DST: variants seen among roughly 807,000 people sequenced by gnomAD.
DST encodes the protein dystonin.
Under a neutral mutation model 875.2 loss-of-function variants are expected in DST, and 253 were observed. The ratio of observed to expected loss-of-function variants is 0.29; its 90% CI spans 0.26 to 0.32. The LOEUF is 0.32. Among genes scored for constraint, DST ranks in the 10% least tolerant of loss-of-function variants. The probability of loss-of-function intolerance (pLI) is 1.00; values close to 1 mark genes in which losing one functional copy is unlikely to be tolerated. For missense variants in DST, 8,287 were observed against 9,111.6 expected (o/e 0.91, Z 3.68); for synonymous variants, 3,124 against 3,197.1 (o/e 0.98, Z 0.77).
chr6:56,725,429 A>C (rs912912231), intron 5 of DST, among the ~76,000 whole-genome samples: 5 of 152,164 alleles, frequency 3.3e-5, no homozygotes, highest in African/African-American at 1.2e-4. Context: ...TGAGGTTCCC[A>C]TCAGTCTTTC....
chr6:56,672,530 T>C (rs1277337848), intron 9 of DST, among the ~76,000 whole-genome samples: 3 of 152,084 alleles, frequency 2.0e-5, no homozygotes, highest in African/African-American at 7.2e-5. Flanking sequence ...AATTTACCAA[T>C]ATTCTTTGGC....
intron 4 of DST, among the ~76,000 whole-genome samples, chr6:56,841,324 C>T (rs2099799707): frequency 6.6e-6 from 1 of 152,122 alleles, no homozygotes; most frequent in Admixed American, 6.5e-5. Context: ...GCTATAAAGC[C>T]CAAGTACAAA....
At chr6:56,748,411 C>A (rs2099578490) in intron 4 of DST, among the ~76,000 whole-genome samples, 1 of 152,180 alleles carries the variant, frequency 6.6e-6, no homozygotes, top group East Asian at 1.9e-4. Context: ...GATTTAACTT[C>A]TGTGCAACTC....
chr6:56,703,809 G>T, intron 6 of DST, 63 bp from the exon 7 acceptor site: 2 of 503,294 alleles, frequency 4.0e-6, no homozygotes, highest in Non-Finnish European at 5.1e-6. Flanking sequence ...GAAATGAAAA[G>T]AAGAGCATGA....
rs758692188 is a variant in DST at position 56,603,658 on chromosome 6, A to G, written c.10847T>C (p.Leu3616Ser). Reference sequence around the variant, plus strand: ...GGGTTTCATATCTTGAAGCAATGTCAAATACTCATGCATTTTTTCAGTGTG... The same window carrying G: ...GGGTTTCATATCTTGAAGCAATGTCGAATACTCATGCATTTTTTCAGTGTG... ...LQHTEKMHEY[L>S]TLLQDMKPPL... The change falls in exon 41 of 104, where the codon TTG (leucine) becomes TCG (serine). Residue 3616 changes from leucine (L) to serine (S), a missense_variant. Leu to Ser is a moderately radical substitution (Grantham distance 145, BLOSUM62 -2). Transcript: ENST00000680361. 7.4e-6 allele frequency: 12 copies of G among 1,610,744 alleles called. No individual in the cohort carries two copies. Among genetic ancestry groups the G allele is most frequent in the Non-Finnish European group, 8.5e-6 (10 of 1,178,670 alleles).
intron 49 of DST, among the ~76,000 whole-genome samples, chr6:56,583,177 T>C (rs934472314): frequency 2.6e-5 from 4 of 152,236 alleles, no homozygotes; most frequent in African/African-American, 9.6e-5. Context: ...CCACACTGAC[T>C]TCCACAATGG....
At chr6:56,517,113 C>T (rs1350464858) in intron 71 of DST, 85 bp downstream of exon 71, 8 of 952,664 alleles carry the variant, frequency 8.4e-6, no homozygotes, top group East Asian at 2.4e-5. Context: ...CTGTGGATAA[C>T]GGAGAAGTGT....
chr6:56,821,839 G>A (rs933873539), intron 4 of DST, among the ~76,000 whole-genome samples: 1 of 152,114 alleles, frequency 6.6e-6, no homozygotes, highest in African/African-American at 2.4e-5. Flanking sequence ...TTTAGGGTTA[G>A]CTTAACACAA....
intron 5 of DST, among the ~76,000 whole-genome samples, chr6:56,710,977 C>A (rs2099360929): frequency 6.6e-6 from 1 of 151,954 alleles, no homozygotes; most frequent in Admixed American, 6.5e-5. Context: ...ATTAGTTACA[C>A]ATCTTAAGGT....
At chr6:56,898,785 A>T (rs185657496) in intron 3 of DST, among the ~76,000 whole-genome samples, 4 of 152,244 alleles carry the variant, frequency 2.6e-5, no homozygotes, top group African/African-American at 9.6e-5. Context: ...ATCTCTCAGG[A>T]CTCATCTCAG....
At chr6:56,918,502 T>A (rs2127734009) in intron 2 of DST, among the ~76,000 whole-genome samples, 1 of 152,318 alleles carries the variant, frequency 6.6e-6, no homozygotes, top group African/African-American at 2.4e-5. Context: ...AATTCGGACA[T>A]TTTAATTTTT....
chr6:56,473,210 T>C (rs974388082), intron 93 of DST, among the ~76,000 whole-genome samples: 2 of 152,244 alleles, frequency 1.3e-5, no homozygotes, highest in African/African-American at 2.4e-5. Flanking sequence ...TATAGGGCTC[T>C]TAATAGTTTA....
At chr6:56,716,225 C>A (rs950169330) in intron 5 of DST, among the ~76,000 whole-genome samples, 3 of 152,162 alleles carry the variant, frequency 2.0e-5, no homozygotes, top group East Asian at 1.9e-4. Context: ...ATCAATGGAA[C>A]AGAACAGAGA....
At chr6:56,632,115 G>A in intron 28 of DST, 75 bp from the exon 29 acceptor site, 4 of 1,161,496 alleles carry the variant, frequency 3.4e-6, no homozygotes, top group Non-Finnish European at 2.5e-6. Flanking sequence ...TTTAATATGA[G>A]AATTTTATAT....
chr6:56,651,877 T>C (rs982492726), intron 10 of DST, among the ~76,000 whole-genome samples: 1 of 152,206 alleles, frequency 6.6e-6, no homozygotes, highest in African/African-American at 2.4e-5. Context: ...TACATGTATA[T>C]GTTGTTTCTC....
At chr6:56,492,524 T>C in intron 84 of DST, 91 bp from the exon 85 acceptor site, 1 of 1,314,790 alleles carries the variant, frequency 7.6e-7, no homozygotes, top group Non-Finnish European at 1.1e-6. Context: ...GAAATTATTT[T>C]AAAGGACAAA....
chr6:56,491,022 T>C (rs576704902), intron 85 of DST, among the ~76,000 whole-genome samples: 136 of 152,272 alleles, frequency 8.9e-4, no homozygotes, highest in Admixed American at 3.8e-3. Context: ...ACTCAAGAAA[T>C]GCCGGCACTA....
At chr6:56,735,043 C>T (rs899972042) in intron 5 of DST, 185 bp downstream of exon 5, 6 of 565,802 alleles carry the variant, frequency 1.1e-5, no homozygotes, top group Non-Finnish European at 1.6e-5. Flanking sequence ...CTATCCACCT[C>T]CATCATTACC....
At chr6:56,908,808 G>A (rs60937404) in intron 2 of DST, among the ~76,000 whole-genome samples, 2 of 152,270 alleles carry the variant, frequency 1.3e-5, no homozygotes, top group African/African-American at 4.8e-5. Flanking sequence ...ACCTACAGTC[G>A]TCCTCACTGC....
Sources: gnomAD v4.1 joint callset for allele counts (sites outside exome capture counted in the v4.1 genomes callset) on GRCh38, gnomAD v4.1.1 for gene constraint, MANE v1.5 for transcripts, NCBI Gene and HGNC (gene_info 2026-07-23, HGNC 2026-07-21) for gene names.